ANKRD30B: variants seen among roughly 807,000 people sequenced by gnomAD.
ANKRD30B encodes the protein ankyrin repeat domain-containing protein 30B.
ANKRD30B carries 144 observed loss-of-function variants against 202.2 expected under a neutral mutation model. The ratio of observed to expected loss-of-function variants is 0.71; its 90% CI spans 0.62 to 0.82. ANKRD30B has a LOEUF of 0.82. Among genes scored for constraint, ANKRD30B ranks in the 40% least tolerant of loss-of-function variants. The pLI is 0.00. For missense variants in ANKRD30B, 1,487 were observed against 1,669.1 expected (o/e 0.89, Z 1.90); for synonymous variants, 508 against 561.3 (o/e 0.91, Z 1.34).
At chr18:14,790,826 A>G (rs1968443689) in intron 15 of ANKRD30B, among the ~76,000 whole-genome samples, 1 of 152,046 alleles carries the variant, frequency 6.6e-6, no homozygotes, top group Admixed American at 6.6e-5. Context: ...ATCAATGTTC[A>G]TCAGGGATAT....
chr18:14,871,731 A>G, the ANKRD30B span, among the ~76,000 whole-genome samples: 3 of 152,022 alleles, frequency 2.0e-5, no homozygotes, highest in African/African-American at 7.2e-5. Flanking sequence ...TGTCCCTACA[A>G]AAAAAAATAT....
At chr18:14,926,498 G>A in the ANKRD30B span, among the ~76,000 whole-genome samples, 2 of 152,182 alleles carry the variant, frequency 1.3e-5, no homozygotes, top group East Asian at 3.9e-4. Context: ...GTGAGACAGG[G>A]CCCTGGGTCC....
chr18:14,902,579 A>G, the ANKRD30B span, among the ~76,000 whole-genome samples: 1 of 152,146 alleles, frequency 6.6e-6, no homozygotes, highest in Admixed American at 6.5e-5. Context: ...TTTGCAAATA[A>G]ATTGGTCCTA....
At chr18:14,827,154 G>A (rs1040376371) in intron 32 of ANKRD30B, among the ~76,000 whole-genome samples, 3 of 152,114 alleles carry the variant, frequency 2.0e-5, no homozygotes, top group Non-Finnish European at 4.4e-5. Flanking sequence ...CTGGATCATT[G>A]AGCCATGATA....
Position 14,772,157 on chromosome 18 carries a change from C to CT in ANKRD30B, c.1263dup (p.Gly422TrpfsTer6). ...ATGTTGTATCATTTTTCTTTAAAGT[C>CT]TTTTTGGCACACGGACTATTGAAAA... On this transcript the variant is annotated frameshift_variant and splice_region_variant, in exon 9 of 44. Coordinates refer to ENST00000690538, the MANE Select transcript of ANKRD30B (RefSeq NM_001367607.2). LOFTEE classifies it high-confidence loss of function. 1 of 1,490,508 alleles carries CT rather than the reference C, an allele frequency of 6.7e-7. No individual in the cohort carries two copies. Among genetic ancestry groups the CT allele is most frequent in the Non-Finnish European group, 9.0e-7 (1 of 1,112,396 alleles). 92.3% of individuals were successfully genotyped at this position (1,490,508 alleles called of 1,614,324 possible). A position where few individuals can be genotyped will look rare whatever the true frequency, so the allele number is the denominator to read the frequency against.
intron 5 of ANKRD30B, 41 bp downstream of exon 5, chr18:14,757,993 T>A (rs1352012914): frequency 6.5e-7 from 1 of 1,539,444 alleles, no homozygotes; most frequent in East Asian, 2.4e-5. Flanking sequence ...ATTTTATTGT[T>A]TGTTTCAGGG....
the ANKRD30B span, among the ~76,000 whole-genome samples, chr18:14,909,056 C>T: frequency 1.3e-5 from 2 of 152,154 alleles, no homozygotes; most frequent in Non-Finnish European, 2.9e-5. Context: ...CCTTTGTCGT[C>T]TGATGGGACT....
the ANKRD30B span, among the ~76,000 whole-genome samples, chr18:14,874,021 T>C: frequency 6.6e-6 from 1 of 152,186 alleles, no homozygotes; most frequent in Non-Finnish European, 1.5e-5. Context: ...TGATTTCCAT[T>C]CTAGCTGTGC....
At chr18:14,897,477 G>A in the ANKRD30B span, among the ~76,000 whole-genome samples, 11 of 151,944 alleles carry the variant, frequency 7.2e-5, no homozygotes, top group Admixed American at 5.2e-4. Flanking sequence ...CACCATGCCC[G>A]CCCCTAGCTG....
Position 14,787,063 on chromosome 18 carries a change from A to G in ANKRD30B, c.1697A>G (p.Lys566Arg), listed in dbSNP as rs1229826283. 1.2e-6 allele frequency: 2 copies of G among 1,609,958 alleles called. No individual in the cohort carries two copies. Among genetic ancestry groups the G allele is most frequent in the South Asian group, 1.1e-5 (1 of 90,782 alleles). ...RAAQMFPSES[K>R]QKDDEENSWD... ...GCTCAGATGTTCCCATCAGAATCCA[A>G]ACAAAAGGACGATGAAGAAAATTCT... Residue 566 changes from lysine to arginine, a missense_variant, in exon 15 of 44, where the codon AAA (lysine) becomes AGA (arginine). By Grantham distance (26) the Lys-to-Arg change is conservative (BLOSUM62 2). Transcript: ENST00000690538.
chr18:14,799,198 T>C, intron 21 of ANKRD30B, 25 bp from the exon 22 acceptor site: 9 of 1,585,382 alleles, frequency 5.7e-6, no homozygotes, highest in Non-Finnish European at 7.7e-6. Flanking sequence ...TATATGTTAA[T>C]TTTTGTGTTT....
chr18:14,916,562 A>G, the ANKRD30B span, among the ~76,000 whole-genome samples: 1 of 152,290 alleles, frequency 6.6e-6, no homozygotes, highest in Non-Finnish European at 1.5e-5. Context: ...GAGCTGTACC[A>G]TGCACACTGG....
intron 9 of ANKRD30B, 42 bp downstream of exon 9, chr18:14,772,270 A>T (rs73959403): frequency 4.0e-6 from 5 of 1,259,368 alleles, no homozygotes; most frequent in Non-Finnish European, 5.4e-6. Context: ...CAGTTGCAAT[A>T]TATTTCTGTA....
intron 4 of ANKRD30B, among the ~76,000 whole-genome samples, chr18:14,756,249 T>C (rs1914340931): frequency 6.6e-6 from 1 of 152,082 alleles, no homozygotes; most frequent in South Asian, 2.1e-4. Context: ...TTTGATGGGG[T>C]TGTTTGTTTT....
At chr18:14,858,892 T>C (rs1365708849), downstream of ANKRD30B, among the ~76,000 whole-genome samples, 4 of 71,620 alleles carry the variant, frequency 5.6e-5, no homozygotes, top group East Asian at 4.2e-4. Flanking sequence ...CAGGCAGAGG[T>C]GCTCCCCACT....
intron 33 of ANKRD30B, among the ~76,000 whole-genome samples, chr18:14,830,799 T>C (rs1307730716): frequency 2.0e-5 from 3 of 151,210 alleles, no homozygotes; most frequent in Non-Finnish European, 4.5e-5. Context: ...ATATTGGCGG[T>C]CACTATTTTT....
At chr18:14,787,472 G>A (rs1244196180) in intron 15 of ANKRD30B, among the ~76,000 whole-genome samples, 2 of 152,164 alleles carry the variant, frequency 1.3e-5, no homozygotes, top group African/African-American at 2.4e-5. Flanking sequence ...GTTCTAACTG[G>A]ATTCATGGAG....
At chr18:14,767,314 G>A (rs1916395311) in intron 7 of ANKRD30B, among the ~76,000 whole-genome samples, 1 of 152,094 alleles carries the variant, frequency 6.6e-6, no homozygotes, top group African/African-American at 2.4e-5. Flanking sequence ...CTGAAACTGT[G>A]AATAGTATGA....
intron 30 of ANKRD30B, chr18:14,817,193 G>A (rs964085914): frequency 3.9e-5 from 6 of 152,184 alleles, no homozygotes; most frequent in African/African-American, 1.4e-4. Flanking sequence ...ACAAGGTTTT[G>A]TTTAAGTGTA....
Sources: gnomAD v4.1 joint callset for allele counts (sites outside exome capture counted in the v4.1 genomes callset) on GRCh38, gnomAD v4.1.1 for gene constraint, MANE v1.5 for transcripts, NCBI Gene and HGNC (gene_info 2026-07-23, HGNC 2026-07-21) for gene names.